KCNIP4: variants seen among roughly 807,000 people sequenced by gnomAD.
KCNIP4 encodes the protein Kv channel-interacting protein 4.
In KCNIP4, 12 loss-of-function variants were observed where a neutral mutation model predicts 34.0. The ratio of observed to expected loss-of-function variants is 0.35; its 90% confidence interval spans 0.23 to 0.57. The LOEUF (loss-of-function observed/expected upper bound fraction) is 0.57. KCNIP4 is among the 20% of genes least tolerant of loss of function. The pLI, the probability that KCNIP4 is intolerant of heterozygous loss-of-function variation, is 0.83. For missense variants in KCNIP4, 238 were observed against 311.7 expected (o/e 0.76, Z 1.78); for synonymous variants, 124 against 102.2 (o/e 1.21, Z -1.29).
chr4:21,139,518 T>G (rs1400316647), intron 1 of KCNIP4, among the ~76,000 whole-genome samples: 1 of 152,184 alleles, frequency 6.6e-6, no homozygotes, highest in Non-Finnish European at 1.5e-5. Flanking sequence ...ACACCCCCTG[T>G]GGCCAGCTCC....
intron 1 of KCNIP4, among the ~76,000 whole-genome samples, chr4:21,854,459 C>T (rs1408366305): frequency 6.6e-6 from 1 of 152,100 alleles, no homozygotes; most frequent in Non-Finnish European, 1.5e-5. Flanking sequence ...TTAATCATCC[C>T]CAAATCTACA....
chr4:20,983,765 C>T, intron 1 of KCNIP4: 2 of 1,460,400 alleles, frequency 1.4e-6, no homozygotes, highest in Non-Finnish European at 1.9e-6. Context: ...TCTGTATCTA[C>T]TTCTAAACCA....
At chr4:21,711,488 CA>C (rs576274089) in intron 1 of KCNIP4, among the ~76,000 whole-genome samples, 2 of 146,062 alleles carry the variant, frequency 1.4e-5, no homozygotes, top group East Asian at 2.0e-4. Context: ...CTCAAAAAAA[CA>C]AAAAAAAAGG....
intron 1 of KCNIP4, among the ~76,000 whole-genome samples, chr4:21,259,231 T>G (rs2058365952): frequency 6.6e-6 from 1 of 152,194 alleles, no homozygotes; most frequent in Non-Finnish European, 1.5e-5. Context: ...CCTACCTCAT[T>G]AAAACAATTA....
chr4:21,341,800 C>T (rs1716790841), intron 1 of KCNIP4, among the ~76,000 whole-genome samples: 1 of 152,110 alleles, frequency 6.6e-6, no homozygotes, highest in Non-Finnish European at 1.5e-5. Context: ...GTGGTTTCTG[C>T]TATCACCACA....
intron 1 of KCNIP4, among the ~76,000 whole-genome samples, chr4:21,328,247 T>C (rs1432584244): frequency 1.3e-5 from 2 of 152,114 alleles, no homozygotes; most frequent in African/African-American, 2.4e-5. Flanking sequence ...TGATCTAAAT[T>C]TTTGGTCACT....
intron 1 of KCNIP4, among the ~76,000 whole-genome samples, chr4:21,389,949 C>A (rs1187566596): frequency 1.3e-5 from 2 of 149,390 alleles, no homozygotes; most frequent in Non-Finnish European, 3.0e-5. Flanking sequence ...TTCTCCACAT[C>A]CTCTCCAGCA....
chr4:21,423,586 T>C (rs1344755789), intron 1 of KCNIP4, among the ~76,000 whole-genome samples: 1 of 152,214 alleles, frequency 6.6e-6, no homozygotes, highest in Non-Finnish European at 1.5e-5. Flanking sequence ...TCCTCTTAAC[T>C]GTTAGCCACA....
At chr4:21,548,020 T>A (rs1030152099) in intron 1 of KCNIP4, among the ~76,000 whole-genome samples, 1 of 152,132 alleles carries the variant, frequency 6.6e-6, no homozygotes, top group Non-Finnish European at 1.5e-5. Flanking sequence ...TGAATTTATA[T>A]GCTATTAATA....
At chr4:21,863,482 C>A (rs1725225885) in intron 1 of KCNIP4, among the ~76,000 whole-genome samples, 1 of 152,032 alleles carries the variant, frequency 6.6e-6, no homozygotes, top group Non-Finnish European at 1.5e-5. Flanking sequence ...CGAGTAAGGA[C>A]AATCAGTGCC....
intron 1 of KCNIP4, among the ~76,000 whole-genome samples, chr4:21,548,957 G>T (rs749075167): frequency 6.6e-6 from 1 of 151,932 alleles, no homozygotes; most frequent in Non-Finnish European, 1.5e-5. Flanking sequence ...TGTGGGGAAT[G>T]ACATACTCAT....
chr4:21,773,808 A>T lies in KCNIP4; in HGVS notation c.61+174763T>A, dbSNP rs182158053. ...CCATTTGCTTCATAAATTTTCCTCCATTCATTTATTTTGAGCCTGTGTGTT... is the reference window on the plus strand; with the variant it reads ...CCATTTGCTTCATAAATTTTCCTCCTTTCATTTATTTTGAGCCTGTGTGTT... On this transcript the variant is annotated intron_variant, in intron 1 of 8. Coordinates refer to ENST00000382152, the MANE Select transcript of KCNIP4 (RefSeq NM_025221.6). Among the ~76,000 whole-genome samples the T allele has an allele frequency of 2.1e-3, 295 of 142,228 alleles. 1 individual carries two copies. Among genetic ancestry groups the T allele is most frequent in the Non-Finnish European group, 1.8e-3 (119 of 66,866 alleles). 93.3% of individuals were successfully genotyped at this position (142,228 alleles called of 152,430 possible). A position where few individuals can be genotyped will look rare whatever the true frequency, so the allele number is the denominator to read the frequency against.
intron 1 of KCNIP4, among the ~76,000 whole-genome samples, chr4:20,932,987 T>A (rs369560373): frequency 6.6e-5 from 10 of 152,162 alleles, no homozygotes; most frequent in African/African-American, 2.4e-4. Flanking sequence ...GGCTCACACC[T>A]GCAATCCCAG....
intron 1 of KCNIP4, among the ~76,000 whole-genome samples, chr4:21,402,661 C>T (rs1016875338): frequency 5.3e-5 from 8 of 152,102 alleles, no homozygotes; most frequent in Non-Finnish European, 8.8e-5. Flanking sequence ...CCACACAATC[C>T]CACCACCAAA....
chr4:21,091,024 A>G (rs368866846), intron 1 of KCNIP4, among the ~76,000 whole-genome samples: 2 of 152,188 alleles, frequency 1.3e-5, no homozygotes, highest in African/African-American at 2.4e-5. Context: ...AAATGTTATC[A>G]TCCTTGGGGG....
chr4:21,121,918 C>T (rs1247588169), intron 1 of KCNIP4, among the ~76,000 whole-genome samples: 1 of 152,162 alleles, frequency 6.6e-6, no homozygotes, highest in Non-Finnish European at 1.5e-5. Flanking sequence ...GAGGCAATGG[C>T]CATCTTTTGA....
intron 4 of KCNIP4, among the ~76,000 whole-genome samples, chr4:20,753,302 A>G (rs895874354): frequency 1.3e-5 from 2 of 152,230 alleles, no homozygotes; most frequent in East Asian, 1.9e-4. Context: ...ACTAGAGTAG[A>G]AAAAACCCCT....
intron 1 of KCNIP4, among the ~76,000 whole-genome samples, chr4:21,032,371 G>C (rs1272596458): frequency 6.6e-6 from 1 of 152,024 alleles, no homozygotes; most frequent in East Asian, 1.9e-4. Flanking sequence ...CTTTCCTCTT[G>C]AACAATCAAC....
intron 1 of KCNIP4, among the ~76,000 whole-genome samples, chr4:21,110,295 C>T (rs1749040104): frequency 6.6e-6 from 1 of 152,134 alleles, no homozygotes; most frequent in Non-Finnish European, 1.5e-5. Flanking sequence ...GGGTTTACTT[C>T]ACTTGCTAGA....
Sources: gnomAD v4.1 joint callset for allele counts (sites outside exome capture counted in the v4.1 genomes callset) on GRCh38, gnomAD v4.1.1 for gene constraint, MANE v1.5 for transcripts, NCBI Gene and HGNC (gene_info 2026-07-23, HGNC 2026-07-21) for gene names.